EPB41L5: variants seen among roughly 807,000 people sequenced by gnomAD.
EPB41L5 encodes the protein erythrocyte membrane protein band 4.1 like 5, also known as band 4.1-like protein 5.
A neutral mutation model predicts 106.6 loss-of-function variants in EPB41L5; 55 were observed. That is an observed-to-expected ratio of 0.52 (90% CI 0.42 to 0.65). The LOEUF (loss-of-function observed/expected upper bound fraction) is 0.65, where lower values mean the gene tolerates loss of function less well. Ranked by LOEUF, EPB41L5 falls within the 30% of genes least tolerant of loss-of-function variation. The pLI, the probability that EPB41L5 is intolerant of heterozygous loss-of-function variation, is 0.00. For missense variants in EPB41L5, 871 were observed against 882.1 expected (o/e 0.99, Z 0.16); for synonymous variants, 297 against 306.7 (o/e 0.97, Z 0.33).
chr2:120,147,063 A>G (rs1275297606), intron 20 of EPB41L5, among the ~76,000 whole-genome samples: 1 of 152,186 alleles, frequency 6.6e-6, no homozygotes, highest in Non-Finnish European at 1.5e-5. Flanking sequence ...AACTAATGCT[A>G]ATTGCCAGGC....
At chr2:120,025,980 G>A (rs555154749) in intron 2 of EPB41L5, among the ~76,000 whole-genome samples, 45 of 152,068 alleles carry the variant, frequency 3.0e-4, no homozygotes, top group African/African-American at 8.2e-4. Flanking sequence ...AAACCCATGC[G>A]GTCATGGGTC....
rs958163265 is a variant in EPB41L5, at chr2:120,106,259, A to G, written c.1337+5445A>G. ...AGGGATGGAGGCAGCGATAGGGGTG[A>G]GGAAAGTAAAGGGCTAAGGCTGGAT... is the stretch of plus-strand genomic sequence containing the variant. On this transcript the variant is annotated intron_variant, in intron 16 of 24. Transcript: ENST00000263713. The G allele has an allele frequency of 1.1e-5, 11 of 985,386 alleles. No homozygotes were observed. The South Asian group carries it at 4.2e-4, about 38-fold the overall frequency. 61.0% of individuals were successfully genotyped at this position (985,386 alleles called of 1,614,324 possible).
chr2:120,026,498 A>T (rs181589362), intron 2 of EPB41L5, among the ~76,000 whole-genome samples: 6 of 152,260 alleles, frequency 3.9e-5, no homozygotes, highest in Non-Finnish European at 5.9e-5. Flanking sequence ...CCTCCGGAGT[A>T]GCTGGGATTA....
chr2:120,095,109 C>T lies in EPB41L5; in HGVS notation c.1178+1833C>T, dbSNP rs73952029. Among the ~76,000 whole-genome samples, 1,166 of 152,130 alleles carry T rather than the reference C, an allele frequency of 7.7e-3. 12 individuals carry two copies. Among genetic ancestry groups the T allele is most frequent in the African/African-American group, 0.027 (1,106 of 41,506 alleles). On this transcript the variant is annotated intron_variant, in intron 14 of 24. Transcript: ENST00000263713. ...GTTCATCTTTTGCCTAGTTTTAATCCGTTATTGAGAGTGGAGTATTGTAGT... is the reference window on the plus strand; with the variant it reads ...GTTCATCTTTTGCCTAGTTTTAATCTGTTATTGAGAGTGGAGTATTGTAGT...
Position 120,031,322 on chromosome 2 carries a change from C to CCAATAA in EPB41L5, c.181-10684_181-10683insCAATAA, listed in dbSNP as rs1678696210. On this transcript the variant is annotated intron_variant, in intron 2 of 24. Transcript: ENST00000263713. ...TCTTGATAAATTGGTTCTGTCTAGG[C>CCAATAA]AGTGGGCAAGGTGAACCCATTGGGT... Among the ~76,000 whole-genome samples the CCAATAA allele has an allele frequency of 6.6e-5, 10 of 152,288 alleles. No homozygotes were observed. In the South Asian group the frequency reaches 2.1e-3, roughly 32 times the overall value.
intron 16 of EPB41L5, among the ~76,000 whole-genome samples, chr2:120,116,072 A>G (rs1364836775): frequency 6.6e-6 from 1 of 152,156 alleles, no homozygotes; most frequent in Non-Finnish European, 1.5e-5. Flanking sequence ...CAGCCTCCCA[A>G]AGTGCTGGGA....
intron 20 of EPB41L5, among the ~76,000 whole-genome samples, chr2:120,154,794 C>T (rs1234311401): frequency 6.6e-6 from 1 of 151,884 alleles, no homozygotes; most frequent in Non-Finnish European, 1.5e-5. Context: ...GGCGTGGTGG[C>T]GGGTGCCTAT....
intron 16 of EPB41L5, among the ~76,000 whole-genome samples, chr2:120,110,499 A>G (rs552515067): frequency 6.6e-6 from 1 of 152,178 alleles, no homozygotes; most frequent in Non-Finnish European, 1.5e-5. Flanking sequence ...CCAACTGCCT[A>G]TCTGACATCT....
At chr2:120,021,231 T>TCCCAGA (rs2105129107) in intron 2 of EPB41L5, among the ~76,000 whole-genome samples, 1 of 152,100 alleles carries the variant, frequency 6.6e-6, no homozygotes, top group African/African-American at 2.4e-5. Context: ...TCCCAGCTAC[T>TCCCAGA]CAGGAGGCTG....
intron 16 of EPB41L5, chr2:120,105,041 G>A: frequency 4.1e-6 from 4 of 984,054 alleles, no homozygotes; most frequent in Non-Finnish European, 4.8e-6. Flanking sequence ...ACACCTGACA[G>A]ATTACCCAGG....
chr2:120,151,611 T>G (rs1006914137), intron 20 of EPB41L5, among the ~76,000 whole-genome samples: 1 of 105,052 alleles, frequency 9.5e-6, no homozygotes, highest in Admixed American at 8.8e-5. Flanking sequence ...CGTCTGGCCC[T>G]TTTTTTTTTT....
At chr2:120,124,658 T>C (rs555537127) in intron 16 of EPB41L5, among the ~76,000 whole-genome samples, 3 of 152,214 alleles carry the variant, frequency 2.0e-5, no homozygotes, top group Non-Finnish European at 4.4e-5. Context: ...TATTAAGATT[T>C]TCCCAAATGT....
At chr2:120,166,668 C>T (rs1687426372) in intron 22 of EPB41L5, among the ~76,000 whole-genome samples, 1 of 152,228 alleles carries the variant, frequency 6.6e-6, no homozygotes, top group Admixed American at 6.5e-5. Context: ...GATCTCTTGA[C>T]CTCATGATCT....
At chr2:120,170,013 T>C in intron 24 of EPB41L5, among the ~76,000 whole-genome samples, 1 of 152,240 alleles carries the variant, frequency 6.6e-6, no homozygotes, top group Non-Finnish European at 1.5e-5. Flanking sequence ...TCAGTGATTC[T>C]ATTTTTATAT....
intron 13 of EPB41L5, 129 bp downstream of exon 13, chr2:120,091,790 C>A: frequency 1.5e-6 from 1 of 669,122 alleles, no homozygotes; most frequent in Non-Finnish European, 2.5e-6. Context: ...AAGTACTTTT[C>A]TGGCAGAATC....
At chr2:120,099,680 C>T (rs1215408468) in intron 14 of EPB41L5, among the ~76,000 whole-genome samples, 1 of 152,164 alleles carries the variant, frequency 6.6e-6, no homozygotes, top group African/African-American at 2.4e-5. Context: ...CCCACCTCAG[C>T]CTCCCAAAGT....
intron 19 of EPB41L5, 51 bp from the exon 20 acceptor site, chr2:120,146,174 C>T: frequency 8.9e-7 from 1 of 1,117,338 alleles, no homozygotes; most frequent in African/African-American, 1.6e-5. Context: ...TTTCTTGTTA[C>T]TTTAGTATCC....
intron 3 of EPB41L5, among the ~76,000 whole-genome samples, chr2:120,045,428 A>T (rs1679701187): frequency 6.6e-6 from 1 of 152,192 alleles, no homozygotes; most frequent in Non-Finnish European, 1.5e-5. Context: ...TGTTTCTGGG[A>T]CCATGTGAGA....
chr2:120,026,766 C>T (rs1678350806), intron 2 of EPB41L5, among the ~76,000 whole-genome samples: 1 of 152,104 alleles, frequency 6.6e-6, no homozygotes, highest in Non-Finnish European at 1.5e-5. Context: ...TTCATTTAGC[C>T]TTCAAAGGAG....
Sources: gnomAD v4.1 joint callset for allele counts (sites outside exome capture counted in the v4.1 genomes callset) on GRCh38, gnomAD v4.1.1 for gene constraint, MANE v1.5 for transcripts, NCBI Gene and HGNC (gene_info 2026-07-23, HGNC 2026-07-21) for gene names.